Variants in GRK5 observed in about 807,000 individuals in gnomAD.
GRK5 encodes the protein g protein-coupled receptor kinase GRK5.
GRK5 carries 40 observed loss-of-function variants against 78.4 expected under a neutral mutation model. The observed-to-expected ratio is 0.51, with a 90% CI of 0.40 to 0.66. The LOEUF (loss-of-function observed/expected upper bound fraction) is 0.66. Among genes scored for constraint, GRK5 ranks in the 30% least tolerant of loss-of-function variants. The probability of loss-of-function intolerance (pLI) is 0.00; values close to 1 mark genes in which losing one functional copy is unlikely to be tolerated. For missense variants in GRK5, 598 were observed against 759.9 expected (o/e 0.79, Z 2.50); for synonymous variants, 289 against 296.8 (o/e 0.97, Z 0.27).
intron 2 of GRK5, among the ~76,000 whole-genome samples, chr10:119,365,266 G>C (rs1564906539): frequency 6.6e-6 from 1 of 152,236 alleles, no homozygotes; most frequent in Non-Finnish European, 1.5e-5. Context: ...CAGTGGTATT[G>C]CATGCTGACA....
intron 1 of GRK5, among the ~76,000 whole-genome samples, chr10:119,223,594 C>G (rs1286538638): frequency 1.3e-5 from 2 of 152,018 alleles, no homozygotes; most frequent in East Asian, 3.8e-4. Context: ...TGCAGGTTCC[C>G]TGGCAGTTGG....
intron 2 of GRK5, among the ~76,000 whole-genome samples, chr10:119,359,001 TC>T (rs1851313596): frequency 1.3e-5 from 2 of 152,026 alleles, no homozygotes; most frequent in Admixed American, 6.5e-5. Context: ...CTTAATTACC[TC>T]CCCAAAGCCC....
intron 12 of GRK5, 119 bp downstream of exon 12, chr10:119,443,871 TG>T (rs1343387255): frequency 9.2e-6 from 8 of 868,946 alleles, no homozygotes; most frequent in Non-Finnish European, 1.4e-5. Context: ...AGCATGGGGG[TG>T]GGGGTTGCAG....
At chr10:119,299,143 G>T (rs1850131756) in intron 1 of GRK5, among the ~76,000 whole-genome samples, 2 of 152,280 alleles carry the variant, frequency 1.3e-5, no homozygotes, top group South Asian at 4.2e-4. Flanking sequence ...AGGCCTAGGA[G>T]GCTTGAAATT....
At chr10:119,397,278 GC>G in intron 4 of GRK5, among the ~76,000 whole-genome samples, 1 of 152,312 alleles carries the variant, frequency 6.6e-6, no homozygotes, top group African/African-American at 2.4e-5. Context: ...CCACCTCGGG[GC>G]CACCCACTGG....
intron 1 of GRK5, among the ~76,000 whole-genome samples, chr10:119,241,632 C>T (rs552827489): frequency 3.4e-4 from 52 of 152,290 alleles, no homozygotes; most frequent in Admixed American, 1.4e-3. Context: ...GAGCCTTTCA[C>T]TGTGCCCAGG....
chr10:119,360,298 T>C (rs2133808378), intron 2 of GRK5, among the ~76,000 whole-genome samples: 2 of 152,308 alleles, frequency 1.3e-5, no homozygotes, highest in South Asian at 4.1e-4. Flanking sequence ...GTCCATTTCT[T>C]GGGTGTGTAG....
At chr10:119,308,318 G>A (rs1850304452) in intron 1 of GRK5, among the ~76,000 whole-genome samples, 1 of 151,732 alleles carries the variant, frequency 6.6e-6, no homozygotes, top group Admixed American at 6.5e-5. Context: ...TCTACAAAAT[G>A]GGTGTCATGC....
intron 1 of GRK5, among the ~76,000 whole-genome samples, chr10:119,209,872 C>G (rs1160265752): frequency 6.6e-6 from 1 of 152,016 alleles, no homozygotes; most frequent in Non-Finnish European, 1.5e-5. Flanking sequence ...TTTTTTCTTC[C>G]CTGAGCATTT....
At chr10:119,429,993 C>T (rs1293708357) in intron 6 of GRK5, among the ~76,000 whole-genome samples, 1 of 152,120 alleles carries the variant, frequency 6.6e-6, no homozygotes, top group Non-Finnish European at 1.5e-5. Flanking sequence ...GCTCCTGGCC[C>T]CCACCCCTTC....
At chr10:119,283,289 G>A (rs11198858) in intron 1 of GRK5, among the ~76,000 whole-genome samples, 20,252 of 152,112 alleles carry the variant, frequency 0.13, 1,427 homozygotes, top group Middle Eastern at 0.17. Context: ...TGATGGGACG[G>A]GAGTGTCCTC....
intron 2 of GRK5, among the ~76,000 whole-genome samples, chr10:119,352,001 G>A (rs1272831664): frequency 2.0e-5 from 3 of 152,236 alleles, no homozygotes; most frequent in African/African-American, 7.2e-5. Flanking sequence ...TCTGCAGAGT[G>A]TAATCCAGGA....
chr10:119,343,589 C>T (rs181185724), intron 2 of GRK5, among the ~76,000 whole-genome samples: 45 of 152,324 alleles, frequency 3.0e-4, no homozygotes, highest in Non-Finnish European at 6.0e-4. Flanking sequence ...CATGGCTTCC[C>T]CGTGGACGTG....
chr10:119,223,472 A>G (rs1848688495), intron 1 of GRK5, among the ~76,000 whole-genome samples: 1 of 152,126 alleles, frequency 6.6e-6, no homozygotes, highest in African/African-American at 2.4e-5. Context: ...AGGATGAACC[A>G]GGCGTGGGAA....
intron 3 of GRK5, among the ~76,000 whole-genome samples, chr10:119,395,026 A>G (rs545975531): frequency 1.3e-5 from 2 of 148,872 alleles, no homozygotes; most frequent in South Asian, 4.3e-4. Context: ...AGAGGAGTTG[A>G]CCTCTGGGGA....
chr10:119,389,544 C>T (rs555537013), intron 3 of GRK5, among the ~76,000 whole-genome samples: 5 of 152,262 alleles, frequency 3.3e-5, no homozygotes, highest in African/African-American at 1.2e-4. Flanking sequence ...TCCTGGGTGC[C>T]CCACCCGCAT....
chr10:119,436,952 G>C lies in GRK5; in HGVS notation c.929+111G>C. ...TCGCTCTGGGAATCAGCCCTGGTCAGCACCAGGGGAGGATGCAGAGTCAGA... is the reference window on the plus strand; with the variant it reads ...TCGCTCTGGGAATCAGCCCTGGTCACCACCAGGGGAGGATGCAGAGTCAGA... On this transcript the variant is annotated intron_variant, in intron 9 of 15. Transcript: ENST00000392870. The C allele has an allele frequency of 1.6e-5, 16 of 986,616 alleles. No homozygotes were observed. The South Asian group carries it at 2.8e-4, about 17-fold the overall frequency. The allele number at this position is 986,616 out of a possible 1,614,324, so 61.1% of individuals were successfully genotyped here.
chr10:119,367,754 C>A (rs144853500), intron 2 of GRK5, among the ~76,000 whole-genome samples: 1 of 152,236 alleles, frequency 6.6e-6, no homozygotes, highest in Admixed American at 6.5e-5. Context: ...TGAGTGCACA[C>A]GCCAGGGCTG....
chr10:119,455,805 T>TCTC lies in GRK5; in HGVS notation c.*742_*744dup, dbSNP rs1257023714. ...CTCGGAGTCGCCTAGGCTGAGCCCT[T>TCTC]CTCCTCGAGGGGCACGCCGAGCCAC... On this transcript the variant is annotated 3_prime_UTR_variant, in exon 16 of 16. Coordinates refer to ENST00000392870, the MANE Select transcript of GRK5 (RefSeq NM_005308.3). 1.6e-4 allele frequency: 26 copies of TCTC among 160,420 alleles called. No individual in the cohort carries two copies. Among genetic ancestry groups the TCTC allele is most frequent in the Admixed American group, 5.9e-4 (9 of 15,358 alleles). The allele number at this position is 160,420 out of a possible 1,614,324, so 9.9% of individuals were successfully genotyped here. A position where few individuals can be genotyped will look rare whatever the true frequency, so the allele number is the denominator to read the frequency against.
Sources: gnomAD v4.1 joint callset for allele counts (sites outside exome capture counted in the v4.1 genomes callset) on GRCh38, gnomAD v4.1.1 for gene constraint, MANE v1.5 for transcripts, NCBI Gene and HGNC (gene_info 2026-07-23, HGNC 2026-07-21) for gene names.